The following PDGFA variants were observed in gnomAD, a reference collection of about 807,000 sequenced individuals.
The protein encoded by PDGFA is platelet-derived growth factor subunit A.
In PDGFA, 9 loss-of-function variants were observed where a neutral mutation model predicts 25.6. The observed-to-expected ratio is 0.35, with a 90% CI of 0.21 to 0.61. The LOEUF is 0.61. PDGFA is among the 20% of genes least tolerant of loss of function. The pLI, the probability that PDGFA is intolerant of heterozygous loss-of-function variation, is 0.75. For synonymous variants in PDGFA, 133 were observed against 111.8 expected (o/e 1.19, Z -1.20); for missense variants, 242 against 272.8 (o/e 0.89, Z 0.79).
chr7:518,935 C>T lies in PDGFA; in HGVS notation c.63+4G>A, dbSNP rs1783236301. The T allele has an allele frequency of 6.6e-7, 1 of 1,517,500 alleles. No individual in the cohort carries two copies. The highest frequency in any genetic ancestry group is 1.4e-5 in the African/African-American group (1 of 70,276). 94.0% of individuals were successfully genotyped at this position (1,517,500 alleles called of 1,614,324 possible). A position where few individuals can be genotyped will look rare whatever the true frequency, so the allele number is the denominator to read the frequency against. On this transcript the variant is annotated splice_donor_region_variant and intron_variant, in intron 1 of 5. Transcript: ENST00000402802. ...CAGGGACGGGGCGCGGGGGCGGCAC[C>T]AACCTCGGCCAGAACATGGGCGAGG...
intron 1 of PDGFA, chr7:518,642 C>G: frequency 2.8e-6 from 1 of 359,858 alleles, no homozygotes; most frequent in Non-Finnish European, 5.0e-6. Context: ...GCTGCAGCGC[C>G]CGCTGCGCCC....
chr7:499,316 C>T (rs1280849445), intron 5 of PDGFA, among the ~76,000 whole-genome samples: 2 of 152,252 alleles, frequency 1.3e-5, no homozygotes, highest in African/African-American at 4.8e-5. Context: ...AATTTCCTCC[C>T]AAGAGGCTCC....
chr7:508,000 C>T (rs1209954009), intron 4 of PDGFA, among the ~76,000 whole-genome samples: 1 of 152,116 alleles, frequency 6.6e-6, no homozygotes, highest in East Asian at 1.9e-4. Context: ...TTGGAGATCC[C>T]GGGTAGTAAG....
chr7:515,502 G>T (rs1341827780), intron 2 of PDGFA, among the ~76,000 whole-genome samples: 1 of 152,192 alleles, frequency 6.6e-6, no homozygotes, highest in Non-Finnish European at 1.5e-5. Flanking sequence ...ACCTGGGGAG[G>T]GGACTGGACA....
At chr7:504,204 C>G (rs1782467022) in intron 4 of PDGFA, among the ~76,000 whole-genome samples, 3 of 152,156 alleles carry the variant, frequency 2.0e-5, no homozygotes, top group Admixed American at 2.0e-4. Flanking sequence ...AACCCACCCC[C>G]TGGTCCCCAA....
chr7:512,610 C>G, intron 2 of PDGFA, 155 bp from the exon 3 acceptor site: 1 of 1,540,264 alleles, frequency 6.5e-7, no homozygotes, highest in Non-Finnish European at 8.7e-7. Context: ...TAGGGGCCCT[C>G]CAGGAGAACC....
At chr7:504,677 G>C (rs1782482694) in intron 4 of PDGFA, among the ~76,000 whole-genome samples, 1 of 152,250 alleles carries the variant, frequency 6.6e-6, no homozygotes, top group Non-Finnish European at 1.5e-5. Context: ...GGGTTCGTGG[G>C]GATGGGCTCG....
chr7:503,370 G>C (rs1291082242), intron 4 of PDGFA, among the ~76,000 whole-genome samples: 1 of 152,142 alleles, frequency 6.6e-6, no homozygotes, highest in African/African-American at 2.4e-5. Context: ...ACGGTTCATG[G>C]GGAAACTGAG....
chr7:518,527 G>A (rs1783211118), intron 1 of PDGFA: 1 of 166,884 alleles, frequency 6.0e-6, no homozygotes, highest in African/African-American at 2.4e-5. Flanking sequence ...GCCCGGCCAG[G>A]GGCTTCCGCA....
In PDGFA at chr7:501,341, C is replaced by T. The variant is rs569501832; in HGVS notation, c.454-99G>A. 45 of 1,469,202 alleles carry T rather than the reference C, an allele frequency of 3.1e-5. No homozygotes were observed. The African/African-American group carries it at 5.5e-4, about 18-fold the overall frequency. 91.0% of individuals were successfully genotyped at this position (1,469,202 alleles called of 1,614,324 possible). ...GGACAGGCTGAGAGGGAGGAGAGAGCAGCCTGACCCCTGACCTCCTCCCAG... is the reference window on the plus strand; with the variant it reads ...GGACAGGCTGAGAGGGAGGAGAGAGTAGCCTGACCCCTGACCTCCTCCCAG... On this transcript the variant is annotated intron_variant, in intron 4 of 5. Coordinates refer to ENST00000402802, the Ensembl canonical transcript of PDGFA.
At chr7:508,559 C>CAAAAAAA (rs766165770) in intron 4 of PDGFA, among the ~76,000 whole-genome samples, 754 of 35,642 alleles carry the variant, frequency 0.021, 173 homozygotes, top group African/African-American at 0.034. Flanking sequence ...GAAGCTGTCC[C>CAAAAAAA]AAAAAAAAAA....
At chr7:497,523 C>G (rs1032769659) in exon 6 of PDGFA, 3 of 152,178 alleles carry the variant, frequency 2.0e-5, no homozygotes, top group Non-Finnish European at 4.4e-5. Flanking sequence ...CAGACAGAAG[C>G]GGCAATGCAT....
intron 4 of PDGFA, among the ~76,000 whole-genome samples, chr7:508,510 T>C (rs969185567): frequency 7.9e-6 from 1 of 125,994 alleles, no homozygotes; most frequent in Admixed American, 1.0e-4. Context: ...CAGCAAACCA[T>C]GATCGCACCA....
Position 500,641 on chromosome 7 carries a change from C to T in PDGFA, c.580+475G>A, listed in dbSNP as rs1190407769. The T allele has an allele frequency of 6.7e-7, 1 of 1,485,620 alleles. No individual in the cohort carries two copies. Among genetic ancestry groups the T allele is most frequent in the Non-Finnish European group, 8.9e-7 (1 of 1,123,606 alleles). The allele number at this position is 1,485,620 out of a possible 1,614,324, so 92.0% of individuals were successfully genotyped here. On this transcript the variant is annotated intron_variant, in intron 5 of 5. Coordinates refer to ENST00000402802, the Ensembl canonical transcript of PDGFA. This position sits in a 1 kb window ranked among gnomAD's most constrained non-coding sequence, Gnocchi z 5.0. ...CTGGCACCGAGAAACTTCTGAGTCC[C>T]CTCATGCTCCCAGGGCCCAGCCATA...
chr7:502,136 C>T (rs368188067), intron 4 of PDGFA, among the ~76,000 whole-genome samples: 2 of 152,198 alleles, frequency 1.3e-5, no homozygotes, highest in East Asian at 1.9e-4. Context: ...GTAGGAGGAT[C>T]GCTTGAGCCC....
At chr7:510,932 G>A (rs556576757) in exon 4 of PDGFA, 27 of 1,612,596 alleles carry the variant, frequency 1.7e-5, no homozygotes, top group South Asian at 1.1e-4. Context: ...ACGTGGGGTC[G>A]ACCTGACTCC....
chr7:505,998 A>C (rs1041376187), intron 4 of PDGFA, among the ~76,000 whole-genome samples: 4 of 151,974 alleles, frequency 2.6e-5, no homozygotes, highest in Non-Finnish European at 5.9e-5. Flanking sequence ...ATATGGCGAA[A>C]CCTCATCTCT....
At chr7:519,610 T>C (rs1252530256), upstream of PDGFA, among the ~76,000 whole-genome samples, 1 of 143,880 alleles carries the variant, frequency 7.0e-6, no homozygotes, top group Non-Finnish European at 1.5e-5. Context: ...CGGCGCGCCC[T>C]CGGCTCCGGC....
intron 4 of PDGFA, among the ~76,000 whole-genome samples, chr7:509,571 G>A (rs1460877241): frequency 6.6e-6 from 1 of 152,120 alleles, no homozygotes; most frequent in Admixed American, 6.5e-5. Context: ...GACTGCAGGT[G>A]TGAGCCACCT....
Sources: gnomAD v4.1 joint callset for allele counts (sites outside exome capture counted in the v4.1 genomes callset) on GRCh38, gnomAD v4.1.1 for gene constraint, Gnocchi (gnomAD v3.1) non-coding constraint, MANE v1.5 for transcripts, NCBI Gene and HGNC (gene_info 2026-07-23, HGNC 2026-07-21) for gene names.